WDR45B: variants seen among roughly 807,000 people sequenced by gnomAD.
WDR45B encodes WD repeat domain 45B.
A neutral mutation model predicts 44.6 loss-of-function variants in WDR45B; 20 were observed. That is an observed-to-expected ratio of 0.45 (90% CI 0.32 to 0.65). The LOEUF is 0.65. WDR45B is among the 30% of genes least tolerant of loss of function. The probability of loss-of-function intolerance (pLI) is 0.05; values close to 1 mark genes in which losing one functional copy is unlikely to be tolerated. For missense variants in WDR45B, 323 were observed against 430.2 expected (o/e 0.75, Z 2.20); for synonymous variants, 169 against 164.9 (o/e 1.02, Z -0.19).
intron 2 of WDR45B, among the ~76,000 whole-genome samples, chr17:82,632,723 T>C (rs926280041): frequency 6.6e-6 from 1 of 152,006 alleles, no homozygotes; most frequent in African/African-American, 2.4e-5. Flanking sequence ...AGCTCGATCT[T>C]CGAGATATTT....
At chr17:82,643,173 G>A (rs1274662769) in intron 2 of WDR45B, among the ~76,000 whole-genome samples, 4 of 152,136 alleles carry the variant, frequency 2.6e-5, no homozygotes, top group Non-Finnish European at 2.9e-5. Context: ...GGTGGCTCAC[G>A]TCTGTAATCC....
chr17:82,621,481 C>T (rs976110675), intron 6 of WDR45B, 128 bp downstream of exon 6: 11 of 1,227,278 alleles, frequency 9.0e-6, no homozygotes, highest in African/African-American at 1.5e-5. Context: ...GCCAGGTCCA[C>T]AGGCCCCTGA....
chr17:82,629,481 C>A (rs949764715), intron 3 of WDR45B: 24 of 985,098 alleles, frequency 2.4e-5, no homozygotes, highest in Non-Finnish European at 2.9e-5. Context: ...CCCCTCTGGG[C>A]TATGCTAGCA....
chr17:82,629,187 T>A (rs1007635290), intron 3 of WDR45B, among the ~76,000 whole-genome samples: 9 of 152,220 alleles, frequency 5.9e-5, no homozygotes, highest in Non-Finnish European at 1.3e-4. Context: ...TACAAATGGC[T>A]CCCTTGTTAG....
intron 5 of WDR45B, among the ~76,000 whole-genome samples, chr17:82,622,978 T>C (rs2045639115): frequency 6.6e-6 from 1 of 152,160 alleles, no homozygotes; most frequent in African/African-American, 2.4e-5. Context: ...GTACTTGAAA[T>C]GGATCGAAGA....
intron 2 of WDR45B, among the ~76,000 whole-genome samples, chr17:82,634,583 G>A (rs1254847028): frequency 6.6e-6 from 1 of 151,798 alleles, no homozygotes; most frequent in African/African-American, 2.4e-5. Context: ...GTCTGGAAGA[G>A]ATACCCGCAC....
At chr17:82,629,829 C>G (rs1258611174) in intron 3 of WDR45B, 28 of 985,254 alleles carry the variant, frequency 2.8e-5, no homozygotes, top group Non-Finnish European at 3.4e-5. Flanking sequence ...CTGGGCTATT[C>G]TATTCCTAAG....
Position 82,631,840 on chromosome 17 carries a change from C to T in WDR45B, c.143-818G>A, listed in dbSNP as rs540029467. On this transcript the variant is annotated intron_variant, in intron 2 of 9. Coordinates refer to ENST00000392325, the MANE Select transcript of WDR45B (RefSeq NM_019613.4). ...AGACAGCATACTAAAAGCTTTAATG[C>T]TTGGGAGGCTGAGGCGGGCAGATGA... Among the ~76,000 whole-genome samples the T allele has an allele frequency of 4.0e-5, 6 of 151,896 alleles. No homozygotes were observed. The East Asian group carries it at 9.8e-4, about 25-fold the overall frequency.
At position 82,615,929 on chromosome 17, in the gene WDR45B, T is replaced by C; in HGVS notation, c.1025A>G (p.Asp342Gly). The C allele has an allele frequency of 6.2e-7, 1 of 1,612,758 alleles. No homozygotes were observed. Among genetic ancestry groups the C allele is most frequent in the Non-Finnish European group, 8.5e-7 (1 of 1,179,828 alleles). ...VYAQFLEMTD[D>G]KL ...CGCCCCCAGCTGGAGTCACAGCTTG[T>C]CATCGGTCATCTCTAGAAACTGCGC... The change falls in exon 10 of 10, where the codon GAC becomes GGC. Residue 342 changes from aspartate to glycine, a missense_variant. Physicochemically the swap from Asp to Gly is moderately conservative, Grantham distance 94. Transcript: ENST00000392325.
chr17:82,635,869 C>A (rs1305165683), intron 2 of WDR45B, among the ~76,000 whole-genome samples: 2 of 151,762 alleles, frequency 1.3e-5, no homozygotes, highest in Non-Finnish European at 2.9e-5. Flanking sequence ...CAGGTGGATC[C>A]CTCAGGTCGG....
intron 2 of WDR45B, among the ~76,000 whole-genome samples, chr17:82,642,677 G>C (rs908871195): frequency 6.6e-6 from 1 of 152,154 alleles, no homozygotes; most frequent in Non-Finnish European, 1.5e-5. Context: ...GGTAGATGGC[G>C]TCAGAACTGA....
intron 8 of WDR45B, among the ~76,000 whole-genome samples, 167 bp from the exon 9 acceptor site, chr17:82,616,812 T>C (rs954002552): frequency 2.6e-5 from 4 of 152,064 alleles, no homozygotes; most frequent in Non-Finnish European, 4.4e-5. Flanking sequence ...TACAATTTTA[T>C]TTAAAAAAAA....
intron 2 of WDR45B, among the ~76,000 whole-genome samples, chr17:82,638,228 A>AGGG (rs2045863160): frequency 1.8e-4 from 1 of 5,480 alleles, no homozygotes; most frequent in African/African-American, 1.3e-3. Context: ...AGGGGAGGGG[A>AGGG]GAGGAGGGGA....
intron 2 of WDR45B, among the ~76,000 whole-genome samples, chr17:82,635,491 T>C (rs564505964): frequency 4.0e-5 from 6 of 150,150 alleles, no homozygotes; most frequent in African/African-American, 1.5e-4. Flanking sequence ...AGTGGTGCGA[T>C]CTTGGCTCAC....
intron 6 of WDR45B, 69 bp downstream of exon 6, chr17:82,621,540 G>A: frequency 1.9e-6 from 3 of 1,604,138 alleles, no homozygotes; most frequent in Non-Finnish European, 2.6e-6. Flanking sequence ...CTTGATACAG[G>A]GAATGGCCAT....
intron 5 of WDR45B, among the ~76,000 whole-genome samples, chr17:82,622,774 T>C (rs1004899606): frequency 3.9e-5 from 6 of 152,042 alleles, no homozygotes; most frequent in Non-Finnish European, 8.8e-5. Context: ...ATTACCTAAT[T>C]TCAGATTTAC....
chr17:82,639,732 A>T (rs142895324), intron 2 of WDR45B, among the ~76,000 whole-genome samples: 5 of 142,738 alleles, frequency 3.5e-5, no homozygotes, highest in Non-Finnish European at 7.6e-5. Flanking sequence ...GTGTCAGGTC[A>T]GGTAGGCTGC....
intron 9 of WDR45B, 133 bp from the exon 10 acceptor site, chr17:82,616,158 G>T: frequency 1.1e-6 from 1 of 885,918 alleles, no homozygotes; most frequent in African/African-American, 1.7e-5. Flanking sequence ...AAGGCCCCAG[G>T]GTCCCCACTG....
chr17:82,622,349 G>A (rs1391595268), intron 5 of WDR45B, among the ~76,000 whole-genome samples: 2 of 152,196 alleles, frequency 1.3e-5, no homozygotes, highest in Non-Finnish European at 2.9e-5. Flanking sequence ...TGTGATCACA[G>A]CTAACCTCTC....
Sources: gnomAD v4.1 joint callset for allele counts (sites outside exome capture counted in the v4.1 genomes callset) on GRCh38, gnomAD v4.1.1 for gene constraint, MANE v1.5 for transcripts, NCBI Gene and HGNC (gene_info 2026-07-23, HGNC 2026-07-21) for gene names.